Variants in PALM2AKAP2 observed in about 807,000 individuals in gnomAD.
PALM2AKAP2 encodes the protein PALM2-AKAP2 fusion protein.
Under a neutral mutation model 71.5 loss-of-function variants are expected in PALM2AKAP2, and 37 were observed. The observed-to-expected ratio is 0.52, with a 90% confidence interval of 0.40 to 0.68. PALM2AKAP2 has a LOEUF of 0.68. Ranked by LOEUF, PALM2AKAP2 falls within the 30% of genes least tolerant of loss-of-function variation. PALM2AKAP2 has a pLI of 0.00. For synonymous variants in PALM2AKAP2, 468 were observed against 478.8 expected (o/e 0.98, Z 0.29); for missense variants, 1,224 against 1,191.8 (o/e 1.03, Z -0.40).
intron 1 of PALM2AKAP2, among the ~76,000 whole-genome samples, chr9:109,754,816 G>A (rs1336939486): frequency 1.3e-5 from 2 of 152,012 alleles, no homozygotes; most frequent in Admixed American, 6.6e-5. Flanking sequence ...CTCCCCGAAG[G>A]CCTCAACTCC....
intron 1 of PALM2AKAP2, among the ~76,000 whole-genome samples, chr9:110,108,287 T>G (rs1330566231): frequency 6.6e-6 from 1 of 151,600 alleles, no homozygotes; most frequent in Non-Finnish European, 1.5e-5. Flanking sequence ...AATTTTTGTA[T>G]TTTTTAGTAG....
chr9:110,124,457 A>C (rs911764374), intron 1 of PALM2AKAP2, among the ~76,000 whole-genome samples: 1 of 152,146 alleles, frequency 6.6e-6, no homozygotes, highest in African/African-American at 2.4e-5. Flanking sequence ...TGGAATTCTG[A>C]CTGACTTTCT....
At chr9:109,927,783 C>T (rs768704519) in intron 5 of PALM2AKAP2, among the ~76,000 whole-genome samples, 29 of 152,294 alleles carry the variant, frequency 1.9e-4, no homozygotes, top group African/African-American at 6.3e-4. Flanking sequence ...TATAGCAGAA[C>T]GCTCATCTAT....
At chr9:110,099,168 C>A (rs1834931529) in intron 1 of PALM2AKAP2, among the ~76,000 whole-genome samples, 1 of 152,188 alleles carries the variant, frequency 6.6e-6, no homozygotes, top group Non-Finnish European at 1.5e-5. Flanking sequence ...GTCTAAAGAT[C>A]TAGGCTATAT....
At chr9:109,640,951 G>A in intron 1 of PALM2AKAP2, 1 of 1,439,018 alleles carries the variant, frequency 6.9e-7, no homozygotes, top group Admixed American at 2.6e-5. Flanking sequence ...ATCCCGCTCG[G>A]GTCCGCGTCC....
chr9:110,037,431 C>G (rs1189447893), intron 7 of PALM2AKAP2, among the ~76,000 whole-genome samples: 1 of 152,210 alleles, frequency 6.6e-6, no homozygotes, highest in East Asian at 1.9e-4. Flanking sequence ...GTCTCGAACT[C>G]CCGACCTCAG....
chr9:110,152,307 T>G (rs566835314), intron 2 of PALM2AKAP2, among the ~76,000 whole-genome samples: 7 of 152,272 alleles, frequency 4.6e-5, no homozygotes, highest in Middle Eastern at 6.8e-3. Flanking sequence ...GATGTTCTCA[T>G]TGAAAATGGG....
At chr9:109,790,485 G>T (rs988581185) in intron 1 of PALM2AKAP2, among the ~76,000 whole-genome samples, 1 of 152,160 alleles carries the variant, frequency 6.6e-6, no homozygotes, top group Non-Finnish European at 1.5e-5. Context: ...CCCTTTGGTG[G>T]CAGGCAGGGG....
rs556563279 is a variant in PALM2AKAP2, at chr9:109,827,879, AAAAGGTCTCTGCCTTC to A, written c.46-39607_46-39592del. Among the ~76,000 whole-genome samples the A allele has an allele frequency of 1.8e-3, 277 of 152,338 alleles. 1 individual carries two copies. The highest frequency in any genetic ancestry group is 6.4e-3 in the African/African-American group (266 of 41,552). On this transcript the variant is annotated intron_variant, in intron 1 of 9. Coordinates refer to the PALM2AKAP2 transcript ENST00000302798. ...ACTTCAGTTTAAAAACAAAAGGGAA[AAAAGGTCTCTGCCTTC>A]AAAGATTATAAGCTATTCATTCAAA...
intron 3 of PALM2AKAP2, among the ~76,000 whole-genome samples, chr9:109,908,984 C>A (rs1830510585): frequency 6.6e-6 from 1 of 152,188 alleles, no homozygotes; most frequent in African/African-American, 2.4e-5. Flanking sequence ...ATGCTTCCTG[C>A]ATGAAGGGGT....
At chr9:110,036,942 A>G (rs891348883) in intron 7 of PALM2AKAP2, among the ~76,000 whole-genome samples, 5 of 152,166 alleles carry the variant, frequency 3.3e-5, no homozygotes, top group Non-Finnish European at 7.3e-5. Flanking sequence ...TACATAAAAT[A>G]GTACTCACCT....
intron 1 of PALM2AKAP2, among the ~76,000 whole-genome samples, chr9:109,644,417 A>G (rs1170084300): frequency 3.9e-5 from 6 of 152,212 alleles, no homozygotes; most frequent in Admixed American, 1.3e-4. Flanking sequence ...ATTTATTAAA[A>G]GAGGGAATTA....
intron 1 of PALM2AKAP2, among the ~76,000 whole-genome samples, chr9:109,655,616 C>T (rs1424940125): frequency 6.6e-6 from 1 of 151,834 alleles, no homozygotes; most frequent in Non-Finnish European, 1.5e-5. Context: ...CCACCCCCTA[C>T]CCCCCATTCT....
At chr9:110,053,165 C>G (rs1347177888) in intron 1 of PALM2AKAP2, among the ~76,000 whole-genome samples, 2 of 152,134 alleles carry the variant, frequency 1.3e-5, no homozygotes, top group Non-Finnish European at 2.9e-5. Flanking sequence ...CTTTCGTGCT[C>G]CTGTCTCCCA....
chr9:109,889,484 G>A (rs747360997), intron 3 of PALM2AKAP2, among the ~76,000 whole-genome samples: 11 of 152,168 alleles, frequency 7.2e-5, no homozygotes, highest in Non-Finnish European at 1.6e-4. Flanking sequence ...CCTCCTTTGG[G>A]ATGAAAGTTT....
chr9:109,959,602 G>A (rs1184632107), intron 6 of PALM2AKAP2, among the ~76,000 whole-genome samples: 3 of 143,506 alleles, frequency 2.1e-5, no homozygotes, highest in South Asian at 2.2e-4. Flanking sequence ...CTGAGATCAC[G>A]CCACTGCACT....
chr9:109,929,863 CAA>C (rs58029417), intron 5 of PALM2AKAP2, among the ~76,000 whole-genome samples: 164 of 69,402 alleles, frequency 2.4e-3, no homozygotes, highest in East Asian at 3.3e-3. Flanking sequence ...GACTCCATTT[CAA>C]AAAAAAAAAA....
intron 7 of PALM2AKAP2, among the ~76,000 whole-genome samples, chr9:110,042,984 A>T (rs941618405): frequency 1.3e-5 from 2 of 152,182 alleles, no homozygotes; most frequent in Non-Finnish European, 2.9e-5. Context: ...GTCCTAGCAA[A>T]TACTAGGTCT....
chr9:110,035,920 A>C (rs569536429), intron 7 of PALM2AKAP2, among the ~76,000 whole-genome samples: 1 of 150,566 alleles, frequency 6.6e-6, no homozygotes, highest in South Asian at 2.1e-4. Context: ...TATGATATAT[A>C]TATTGTTTTG....
Sources: allele counts gnomAD v4.1 joint callset (sites outside exome capture counted in the v4.1 genomes callset), GRCh38; gene constraint gnomAD v4.1.1; transcripts MANE v1.5; gene names NCBI Gene and HGNC (gene_info 2026-07-23, HGNC 2026-07-21).